Variants in ARHGEF18 observed in about 807,000 individuals in gnomAD.
The protein encoded by ARHGEF18 is rho guanine nucleotide exchange factor 18.
Under a neutral mutation model 155.7 loss-of-function variants are expected in ARHGEF18, and 93 were observed. The ratio of observed to expected loss-of-function variants is 0.60; its 90% confidence interval spans 0.50 to 0.71. ARHGEF18 has a LOEUF of 0.71. Among genes scored for constraint, ARHGEF18 ranks in the 30% least tolerant of loss-of-function variants. The probability of loss-of-function intolerance (pLI) is 0.00; values close to 1 mark genes in which losing one functional copy is unlikely to be tolerated. For synonymous variants in ARHGEF18, 742 were observed against 753.1 expected (o/e 0.99, Z 0.24); for missense variants, 1,593 against 1,816.1 (o/e 0.88, Z 2.23).
Position 7,367,746 on chromosome 19 carries a change from C to CAAAAAAAAAAA in ARHGEF18, c.15+4844_15+4854dup, listed in dbSNP as rs776839774. Among the ~76,000 whole-genome samples the CAAAAAAAAAAA allele has an allele frequency of 6.3e-4, 23 of 36,338 alleles. 5 individuals are homozygous for CAAAAAAAAAAA. The highest frequency in any genetic ancestry group is 3.5e-3 in the African/African-American group (22 of 6,204). The allele number at this position is 36,338 out of a possible 152,430, so 23.8% of individuals were successfully genotyped here. ...AGGCAACAAGAGTGAAACTCCATCT[C>CAAAAAAAAAAA]AAAAAAAAAAAAATATATATATATA... On this transcript the variant is annotated intron_variant, in intron 2 of 28. Transcript: ENST00000668164.
chr19:7,457,495 T>C (rs1975920226), intron 18 of ARHGEF18, among the ~76,000 whole-genome samples: 1 of 151,370 alleles, frequency 6.6e-6, no homozygotes, highest in Admixed American at 6.6e-5. Context: ...CCTGAGTAGC[T>C]GGGATTACAG....
chr19:7,440,559 G>A lies in ARHGEF18; in HGVS notation c.1106+77G>A. On this transcript the variant is annotated intron_variant, in intron 11 of 28. Coordinates refer to ENST00000668164, the MANE Select transcript of ARHGEF18 (RefSeq NM_001367823.1). The surrounding 1 kb of genome is among the most constrained non-coding windows in gnomAD (Gnocchi z 5.4). ...GAGCTGTTGACAGCCTCTTCGGAGG[G>A]AGACCCCGACTTAGATCTGTGTGAA... The A allele has an allele frequency of 4.7e-6, 7 of 1,489,790 alleles. No homozygotes were observed. Among genetic ancestry groups the A allele is most frequent in the Non-Finnish European group, 6.3e-6 (7 of 1,113,570 alleles). The allele number at this position is 1,489,790 out of a possible 1,614,324, so 92.3% of individuals were successfully genotyped here. A position where few individuals can be genotyped will look rare whatever the true frequency, so the allele number is the denominator to read the frequency against.
rs562429114 is a variant in ARHGEF18 at position 7,466,257 on chromosome 19, C to T, written c.2905-661C>T. On this transcript the variant is annotated intron_variant, in intron 23 of 28. Transcript: ENST00000668164. ...AATTAGCCAGGCGTGGTGGCACATTCGAGTAATCCCAGCTATTTGGGAGGC... is the reference window on the plus strand; with the variant it reads ...AATTAGCCAGGCGTGGTGGCACATTTGAGTAATCCCAGCTATTTGGGAGGC... 2.9e-4 allele frequency among the ~76,000 whole-genome samples: 44 copies of T among 151,400 alleles called. 1 individual carries two copies. In the South Asian group the frequency reaches 7.9e-3, roughly 27 times the overall value.
chr19:7,478,232 C>A, the ARHGEF18 span: 1 of 1,466,974 alleles, frequency 6.8e-7, no homozygotes, highest in Non-Finnish European at 9.3e-7. Context: ...CAGCATGGGC[C>A]TGCACAGGGG....
chr19:7,362,034 GGA>G (rs1218006256), intron 1 of ARHGEF18, among the ~76,000 whole-genome samples: 1 of 49,320 alleles, frequency 2.0e-5, no homozygotes, highest in Non-Finnish European at 3.5e-5. Context: ...AGAAGGAGAA[GGA>G]GAAGGAGAAG....
chr19:7,355,651 C>T, intron 1 of ARHGEF18: 1 of 985,494 alleles, frequency 1.0e-6, no homozygotes, highest in African/African-American at 1.7e-5. Flanking sequence ...TGCTCAACCA[C>T]TCCTGGCCGG....
At chr19:7,459,632 G>A (rs1440199721) in intron 19 of ARHGEF18, among the ~76,000 whole-genome samples, 6 of 152,264 alleles carry the variant, frequency 3.9e-5, no homozygotes, top group African/African-American at 1.4e-4. Flanking sequence ...GCACCTGGCA[G>A]GTCCTCTGCA....
At chr19:7,450,070 G>T (rs530890335) in intron 15 of ARHGEF18, among the ~76,000 whole-genome samples, 4 of 151,864 alleles carry the variant, frequency 2.6e-5, no homozygotes, top group African/African-American at 9.7e-5. Context: ...GTCCTGGTGA[G>T]CTGAGAAAGG....
intron 10 of ARHGEF18, among the ~76,000 whole-genome samples, chr19:7,388,711 G>A (rs1971216919): frequency 6.6e-6 from 1 of 151,774 alleles, no homozygotes; most frequent in South Asian, 2.1e-4. Flanking sequence ...CTCCTGAGTA[G>A]CTGGGATTGC....
At chr19:7,412,048 T>G (rs1416945096) in intron 10 of ARHGEF18, among the ~76,000 whole-genome samples, 2 of 151,896 alleles carry the variant, frequency 1.3e-5, no homozygotes, top group African/African-American at 4.8e-5. Context: ...TTTCTTTTTT[T>G]TTTTTGAGAT....
At chr19:7,363,897 T>C (rs1314366229) in intron 2 of ARHGEF18, among the ~76,000 whole-genome samples, 3 of 143,894 alleles carry the variant, frequency 2.1e-5, no homozygotes, top group Non-Finnish European at 1.5e-5. Flanking sequence ...GATGGATGGA[T>C]GGGTTGATGG....
chr19:7,434,001 AGAGT>A (rs1371731845), intron 10 of ARHGEF18, among the ~76,000 whole-genome samples: 3 of 149,316 alleles, frequency 2.0e-5, no homozygotes, highest in Non-Finnish European at 3.0e-5. Context: ...CCTGGGCGAC[AGAGT>A]GAGATCTGTC....
intron 8 of ARHGEF18, among the ~76,000 whole-genome samples, chr19:7,382,093 G>A (rs1479138226): frequency 6.6e-6 from 1 of 152,026 alleles, no homozygotes; most frequent in Non-Finnish European, 1.5e-5. Flanking sequence ...GGGTGGGGGA[G>A]GAGATAGAAG....
At chr19:7,384,521 A>G (rs989956571) in intron 10 of ARHGEF18, among the ~76,000 whole-genome samples, 1 of 151,854 alleles carries the variant, frequency 6.6e-6, no homozygotes, top group Admixed American at 6.6e-5. Context: ...CTTCTTTCTC[A>G]TTTTCCTCTC....
Position 7,372,929 on chromosome 19 carries a change from C to T in ARHGEF18, c.133C>T (p.Gln45Ter), listed in dbSNP as rs1340710769. The T allele has an allele frequency of 8.1e-7, 1 of 1,234,500 alleles. No individual in the cohort carries two copies. The highest frequency in any genetic ancestry group is 1.0e-6 in the Non-Finnish European group (1 of 988,340). 76.5% of individuals were successfully genotyped at this position (1,234,500 alleles called of 1,614,324 possible). ...DLGLGAPSHS[Q>*]PGETPDSRPT... ...GGGCCTTGGGGCCCCTTCCCACAGCCAGCCTGGGGAGACCCCAGACAGCCG... is the reference window on the plus strand; with the variant it reads ...GGGCCTTGGGGCCCCTTCCCACAGCTAGCCTGGGGAGACCCCAGACAGCCG... The change falls in exon 3 of 29, where the codon CAG (glutamine) becomes TAG (stop). Residue 45 changes from glutamine to a stop codon, truncating the protein, a stop_gained. Transcript: ENST00000668164. LOFTEE classifies it high-confidence loss of function.
chr19:7,382,363 C>T (rs1320248045), intron 8 of ARHGEF18, among the ~76,000 whole-genome samples: 1 of 151,282 alleles, frequency 6.6e-6, no homozygotes, highest in African/African-American at 2.4e-5. Context: ...CCACTGCACT[C>T]CAGCCTGGGT....
chr19:7,405,964 A>G (rs78447335), intron 10 of ARHGEF18, among the ~76,000 whole-genome samples: 9,069 of 152,188 alleles, frequency 0.06, 861 homozygotes, highest in African/African-American at 0.2. Context: ...TAGGCTCTTT[A>G]CAACACAGTG....
chr19:7,381,983 G>C (rs1206638692), intron 8 of ARHGEF18, among the ~76,000 whole-genome samples: 7 of 152,212 alleles, frequency 4.6e-5, no homozygotes, highest in Non-Finnish European at 1.0e-4. Context: ...TACCAGAGCA[G>C]GAATCATGTC....
intron 10 of ARHGEF18, among the ~76,000 whole-genome samples, chr19:7,392,147 A>C (rs955328612): frequency 1.3e-5 from 2 of 148,494 alleles, no homozygotes; most frequent in Non-Finnish European, 3.0e-5. Context: ...AGGCTGAGGC[A>C]GGAGAATTGC....
Sources: allele counts gnomAD v4.1 joint callset (sites outside exome capture counted in the v4.1 genomes callset), GRCh38; gene constraint gnomAD v4.1.1; non-coding constraint Gnocchi (gnomAD v3.1); transcripts MANE v1.5; gene names NCBI Gene and HGNC (gene_info 2026-07-23, HGNC 2026-07-21).